The following NFATC1 variants were observed in gnomAD, a reference collection of about 807,000 sequenced individuals.
NFATC1 encodes nuclear factor of activated T cells 1.
A neutral mutation model predicts 76.0 loss-of-function variants in NFATC1; 22 were observed. The ratio of observed to expected loss-of-function variants is 0.29; its 90% CI spans 0.21 to 0.41. The LOEUF is 0.41. Ranked by LOEUF, NFATC1 falls within the 10% of genes least tolerant of loss-of-function variation. The pLI is 1.00. For synonymous variants in NFATC1, 704 were observed against 613.1 expected (o/e 1.15, Z -2.19); for missense variants, 1,357 against 1,337.7 (o/e 1.01, Z -0.23).
chr18:79,432,611 C>T lies in NFATC1; in HGVS notation c.1227-968C>T, dbSNP rs996596793. Among the ~76,000 whole-genome samples, 5 of 152,344 alleles carry T rather than the reference C, an allele frequency of 3.3e-5. No individual in the cohort carries two copies. The East Asian group carries it at 5.8e-4, about 18-fold the overall frequency. On this transcript the variant is annotated intron_variant, in intron 2 of 9. Coordinates refer to ENST00000427363, the MANE Select transcript of NFATC1 (RefSeq NM_001278669.2). ...GCTGCAGCGGCCACAGAGCCTTGGCCCTCCCAGAAACGGACTCTGATGGCA... is the reference window on the plus strand; with the variant it reads ...GCTGCAGCGGCCACAGAGCCTTGGCTCTCCCAGAAACGGACTCTGATGGCA...
At chr18:79,439,069 T>C (rs925613692) in intron 3 of NFATC1, among the ~76,000 whole-genome samples, 1 of 151,532 alleles carries the variant, frequency 6.6e-6, no homozygotes, top group African/African-American at 2.4e-5. Flanking sequence ...GCTCGGGGAG[T>C]GTTCAGTACC....
chr18:79,418,544 T>G (rs987532594), intron 2 of NFATC1, among the ~76,000 whole-genome samples: 2 of 152,002 alleles, frequency 1.3e-5, no homozygotes, highest in African/African-American at 4.8e-5. Flanking sequence ...CCTTCTGGGG[T>G]CAGAGCCCAG....
At chr18:79,498,439 C>T (rs2089946558) in intron 9 of NFATC1, 1 of 150,358 alleles carries the variant, frequency 6.7e-6, no homozygotes, top group South Asian at 2.1e-4. Flanking sequence ...CAGATTTGAG[C>T]TGGCAGAGAA....
chr18:79,467,292 C>CCGCCG lies in NFATC1; in HGVS notation c.1960-158_1960-157insCGCCG, dbSNP rs1333076208. 1.0e-4 allele frequency among the ~76,000 whole-genome samples: 15 copies of CCGCCG among 145,436 alleles called. 1 individual carries two copies. Among genetic ancestry groups the CCGCCG allele is most frequent in the East Asian group, 1.9e-4 (1 of 5,176 alleles). ...AGTTTACCGTCACGGCAGTCCTGTG[C>CCGCCG]TGCCGTGGAAACGCGGGGTTGCCGT... On this transcript the variant is annotated intron_variant, in intron 7 of 9. Coordinates refer to ENST00000427363, the MANE Select transcript of NFATC1 (RefSeq NM_001278669.2).
chr18:79,511,218 TG>T (rs1401374013), intron 9 of NFATC1, among the ~76,000 whole-genome samples: 14 of 152,328 alleles, frequency 9.2e-5, no homozygotes, highest in Non-Finnish European at 2.1e-4. Flanking sequence ...GATTAATAAT[TG>T]GATAATCAAT....
chr18:79,493,995 C>A (rs896258052), intron 9 of NFATC1, among the ~76,000 whole-genome samples: 23 of 151,702 alleles, frequency 1.5e-4, no homozygotes, highest in Non-Finnish European at 3.2e-4. Flanking sequence ...CCCGTCCAGC[C>A]CCAGGCCCGG....
chr18:79,458,953 T>G (rs1040627055), intron 6 of NFATC1, among the ~76,000 whole-genome samples: 7 of 152,232 alleles, frequency 4.6e-5, no homozygotes, highest in African/African-American at 1.7e-4. Context: ...TTTATGATCC[T>G]TAAGCAGAAA....
intron 6 of NFATC1, among the ~76,000 whole-genome samples, chr18:79,453,364 G>T (rs1003069384): frequency 6.6e-6 from 1 of 152,246 alleles, no homozygotes; most frequent in African/African-American, 2.4e-5. Context: ...CCCAGCTCCT[G>T]CCCTAGCCAA....
In NFATC1 at chr18:79,467,576, G is replaced by A. The variant is rs542259595; in HGVS notation, c.2086G>A (p.Ala696Thr). The change falls in exon 8 of 10, where the codon GCC (alanine) becomes ACC (threonine). Residue 696 changes from alanine to threonine, a missense_variant. By Grantham distance (58) the Ala-to-Thr change is moderately conservative (BLOSUM62 0). Around this residue, in one of 3 missense-constraint regions of NFATC1, gnomAD observed 424 missense variants for 395.4 expected, o/e 1.07. Transcript: ENST00000427363. ...SQYQRFTYLP[A>T]NVPIIKTEPT... is the part of the protein sequence containing the mutation. ...GTACCAGCGTTTCACCTACCTTCCC[G>A]CCAACGGTAACGCCATCTTTCTAAC... 3.7e-6 allele frequency: 6 copies of A among 1,613,758 alleles called. No homozygotes were observed. Among genetic ancestry groups the A allele is most frequent in the Admixed American group, 3.3e-5 (2 of 60,002 alleles).
intron 2 of NFATC1, among the ~76,000 whole-genome samples, chr18:79,412,702 T>C (rs2085738659): frequency 6.6e-6 from 1 of 152,190 alleles, no homozygotes; most frequent in Admixed American, 6.5e-5. Flanking sequence ...CCCAAACCTC[T>C]CTGAAGGCTT....
Position 79,528,943 on chromosome 18 carries a change from A to AT in NFATC1, c.*1368dup, listed in dbSNP as rs1322022757. 1 of 152,622 alleles carries AT rather than the reference A, an allele frequency of 6.6e-6. No homozygotes were observed. The highest frequency in any genetic ancestry group is 2.4e-5 in the African/African-American group (1 of 41,452). The allele number at this position is 152,622 out of a possible 1,614,324, so 9.5% of individuals were successfully genotyped here. ...GTTGACCTGAACTCGTGCCTTAGGA[A>AT]TTAATGCCCCCTTATGGAACCTGCC... On this transcript the variant is annotated 3_prime_UTR_variant, in exon 10 of 10. Coordinates refer to ENST00000427363, the MANE Select transcript of NFATC1 (RefSeq NM_001278669.2).
chr18:79,486,093 C>T (rs1332967203), intron 8 of NFATC1, among the ~76,000 whole-genome samples, 155 bp from the exon 9 acceptor site: 3 of 145,372 alleles, frequency 2.1e-5, no homozygotes, highest in Non-Finnish European at 4.5e-5. Context: ...ATGACTCACG[C>T]CTTTTTTTTT....
At chr18:79,447,583 C>T (rs1037007689) in intron 3 of NFATC1, among the ~76,000 whole-genome samples, 1 of 152,232 alleles carries the variant, frequency 6.6e-6, no homozygotes, top group African/African-American at 2.4e-5. Flanking sequence ...TCTCAGGGCT[C>T]TGAGGCTGGC....
chr18:79,515,867 A>T (rs1162603309), intron 9 of NFATC1: 1 of 152,050 alleles, frequency 6.6e-6, no homozygotes, highest in South Asian at 2.1e-4. Flanking sequence ...ATTTGGGGGC[A>T]TATACTTCCT....
chr18:79,439,813 G>A (rs976308408), intron 3 of NFATC1, among the ~76,000 whole-genome samples: 1 of 152,196 alleles, frequency 6.6e-6, no homozygotes, highest in East Asian at 1.9e-4. Context: ...TGTTTTGAGC[G>A]ATGGGGACAG....
chr18:79,456,051 G>A (rs1046072600), intron 6 of NFATC1, among the ~76,000 whole-genome samples: 48 of 152,200 alleles, frequency 3.2e-4, no homozygotes, highest in East Asian at 1.9e-4. Context: ...GACCGTGACC[G>A]GTGTGGTTCC....
chr18:79,485,477 C>A (rs2089466277), intron 8 of NFATC1, among the ~76,000 whole-genome samples: 1 of 152,246 alleles, frequency 6.6e-6, no homozygotes, highest in Non-Finnish European at 1.5e-5. Context: ...CCCAACACCC[C>A]CACAGAAGCC....
intron 2 of NFATC1, among the ~76,000 whole-genome samples, chr18:79,426,673 C>T (rs1285660824): frequency 6.6e-6 from 1 of 152,264 alleles, no homozygotes; most frequent in Non-Finnish European, 1.5e-5. Flanking sequence ...CCCGGACCCC[C>T]CTGTGACTCA....
intron 9 of NFATC1, among the ~76,000 whole-genome samples, chr18:79,501,523 T>G (rs367818169): frequency 3.3e-5 from 5 of 152,140 alleles, no homozygotes; most frequent in Middle Eastern, 3.2e-3. Context: ...GCAACCGGAA[T>G]GGACAGGAAA....
Sources: gnomAD v4.1 joint callset for allele counts (sites outside exome capture counted in the v4.1 genomes callset) on GRCh38, gnomAD v4.1.1 for gene constraint, gnomAD v4.1.1 regional missense constraint, MANE v1.5 for transcripts, NCBI Gene and HGNC (gene_info 2026-07-23, HGNC 2026-07-21) for gene names.